CAMTA1: variants seen among roughly 807,000 people sequenced by gnomAD.
CAMTA1 encodes calmodulin-binding transcription activator 1.
A neutral mutation model predicts 170.9 loss-of-function variants in CAMTA1; 27 were observed. The observed-to-expected ratio is 0.16, with a 90% CI of 0.12 to 0.22. The LOEUF (loss-of-function observed/expected upper bound fraction) is 0.22, where lower values mean the gene tolerates loss of function less well. CAMTA1 is among the 10% of genes least tolerant of loss of function. The pLI is 1.00. For missense variants in CAMTA1, 1,619 were observed against 2,217.2 expected (o/e 0.73, Z 5.42); for synonymous variants, 833 against 891.5 (o/e 0.93, Z 1.17).
rs1673565294 is a variant in CAMTA1 at position 6,887,533 on chromosome 1, G to C, written c.234+62323G>C. 1 of 1,437,786 alleles carries C rather than the reference G, an allele frequency of 7.0e-7. No individual in the cohort carries two copies. The highest frequency in any genetic ancestry group is 2.5e-5 in the East Asian group (1 of 39,304). The allele number at this position is 1,437,786 out of a possible 1,614,324, so 89.1% of individuals were successfully genotyped here. ...ATGTGTGTGTTTAATATATACTTTAGTTTGCCTTTACCCAGATGTCTCCTC... is the reference window on the plus strand; with the variant it reads ...ATGTGTGTGTTTAATATATACTTTACTTTGCCTTTACCCAGATGTCTCCTC... On this transcript the variant is annotated intron_variant, in intron 3 of 22. Coordinates refer to ENST00000303635, the MANE Select transcript of CAMTA1 (RefSeq NM_015215.4). This position sits in a 1 kb window ranked among gnomAD's most constrained non-coding sequence, Gnocchi z 4.1.
At chr1:7,213,556 T>G (rs1659162869) in intron 4 of CAMTA1, among the ~76,000 whole-genome samples, 1 of 152,188 alleles carries the variant, frequency 6.6e-6, no homozygotes, top group Non-Finnish European at 1.5e-5. Context: ...AATTTGTATC[T>G]TCTTTTGCAT....
chr1:7,069,319 C>T (rs911289373), intron 3 of CAMTA1, among the ~76,000 whole-genome samples: 2 of 152,200 alleles, frequency 1.3e-5, no homozygotes, highest in Non-Finnish European at 2.9e-5. Context: ...GAGATGTTAA[C>T]TGACTTGCCC....
intron 3 of CAMTA1, among the ~76,000 whole-genome samples, chr1:7,012,739 GT>G (rs1699986868): frequency 1.3e-5 from 2 of 152,004 alleles, no homozygotes; most frequent in African/African-American, 4.8e-5. Flanking sequence ...CTCTTCCTCA[GT>G]TTCCCCCCAC....
chr1:7,089,780 T>G (rs1421410087), intron 3 of CAMTA1, among the ~76,000 whole-genome samples: 1 of 152,126 alleles, frequency 6.6e-6, no homozygotes, highest in Non-Finnish European at 1.5e-5. Context: ...AAGGTGCCAG[T>G]GCCACCCAGG....
intron 7 of CAMTA1, among the ~76,000 whole-genome samples, chr1:7,656,727 C>G (rs1313741659): frequency 6.6e-6 from 1 of 152,262 alleles, no homozygotes; most frequent in Non-Finnish European, 1.5e-5. Context: ...CCCCAGCCCT[C>G]TCTTCTAGAT....
chr1:7,711,724 C>G (rs1264680869), intron 11 of CAMTA1, among the ~76,000 whole-genome samples: 1 of 152,198 alleles, frequency 6.6e-6, no homozygotes, highest in East Asian at 1.9e-4. Context: ...TAAATATCCT[C>G]TTTTCTAGTG....
chr1:7,103,772 C>T (rs1373986411), intron 4 of CAMTA1, among the ~76,000 whole-genome samples: 2 of 151,522 alleles, frequency 1.3e-5, no homozygotes, highest in Non-Finnish European at 2.9e-5. Flanking sequence ...GCACACACAA[C>T]ACACATAACT....
chr1:7,620,310 G>A (rs1421856275), intron 6 of CAMTA1, among the ~76,000 whole-genome samples: 2 of 152,214 alleles, frequency 1.3e-5, no homozygotes, highest in Non-Finnish European at 2.9e-5. Flanking sequence ...GCACGGCACA[G>A]CCCCACAACA....
chr1:7,569,407 T>C (rs2095097123), intron 6 of CAMTA1, among the ~76,000 whole-genome samples: 1 of 148,950 alleles, frequency 6.7e-6, no homozygotes, highest in African/African-American at 2.5e-5. Flanking sequence ...CACATCACCA[T>C]CATCATCATC....
At chr1:7,087,482 G>A (rs569692336) in intron 3 of CAMTA1, among the ~76,000 whole-genome samples, 82 of 152,354 alleles carry the variant, frequency 5.4e-4, no homozygotes, top group Admixed American at 1.5e-3. Context: ...CCCTGGGTCA[G>A]TGGGGAGCAG....
At chr1:7,098,474 C>G (rs1032003122) in intron 4 of CAMTA1, among the ~76,000 whole-genome samples, 2 of 152,218 alleles carry the variant, frequency 1.3e-5, no homozygotes, top group African/African-American at 2.4e-5. Flanking sequence ...GAGCCTCCTG[C>G]CCGAGGACTT....
chr1:7,640,303 G>T, intron 6 of CAMTA1, 97 bp from the exon 7 acceptor site: 1 of 1,351,094 alleles, frequency 7.4e-7, no homozygotes, highest in Non-Finnish European at 1.0e-6. Flanking sequence ...GGTGTCTGGG[G>T]CCTCAGTCTC....
At chr1:7,122,543 C>G (rs1042656412) in intron 4 of CAMTA1, among the ~76,000 whole-genome samples, 1 of 152,148 alleles carries the variant, frequency 6.6e-6, no homozygotes, top group African/African-American at 2.4e-5. Context: ...AGCAGGCAGG[C>G]ACTTCGGGTG....
chr1:7,471,030 C>T (rs1026916145), intron 6 of CAMTA1, among the ~76,000 whole-genome samples: 2 of 152,158 alleles, frequency 1.3e-5, no homozygotes, highest in African/African-American at 2.4e-5. Flanking sequence ...CACCCCGGGG[C>T]GGGAATGAGC....
In CAMTA1 at chr1:6,965,658, A is replaced by G. The variant is rs1211131307; in HGVS notation, c.235-125646A>G. On this transcript the variant is annotated intron_variant, in intron 3 of 22. Transcript: ENST00000303635. The surrounding 1 kb of genome is among the most constrained non-coding windows in gnomAD (Gnocchi z 4.1). Reference sequence around the variant, plus strand: ...TGAGGAGAAAGTCCTGACAACAAGTAAAGAAAACTTAGCTGGCAATAAAAT... The same window carrying G: ...TGAGGAGAAAGTCCTGACAACAAGTGAAGAAAACTTAGCTGGCAATAAAAT... Among the ~76,000 whole-genome samples the G allele has an allele frequency of 6.6e-6, 1 of 152,220 alleles. No homozygotes were observed. Among genetic ancestry groups the G allele is most frequent in the Non-Finnish European group, 1.5e-5 (1 of 68,042 alleles).
intron 11 of CAMTA1, among the ~76,000 whole-genome samples, chr1:7,703,697 C>CTA (rs2096467520): frequency 6.6e-6 from 1 of 152,260 alleles, no homozygotes; most frequent in African/African-American, 2.4e-5. Flanking sequence ...ATATCTATAT[C>CTA]TATTAGTATA....
chr1:7,039,089 T>C (rs945587501), intron 3 of CAMTA1, among the ~76,000 whole-genome samples: 26 of 152,206 alleles, frequency 1.7e-4, no homozygotes, highest in Non-Finnish European at 1.8e-4. Flanking sequence ...TGTTTCTATA[T>C]GCCAAGGGTC....
chr1:6,963,772 C>A (rs1414627019), intron 3 of CAMTA1, among the ~76,000 whole-genome samples: 2 of 152,122 alleles, frequency 1.3e-5, no homozygotes, highest in Non-Finnish European at 2.9e-5. Flanking sequence ...CTGCGCTTTG[C>A]GGACTGGAGG....
rs545748234 is a variant in CAMTA1, at chr1:7,707,536, C to T, written c.2915-24912C>T. Among the ~76,000 whole-genome samples, 10 of 152,154 alleles carry T rather than the reference C, an allele frequency of 6.6e-5. No individual in the cohort carries two copies. In the South Asian group the frequency reaches 1.2e-3, roughly 19 times the overall value. On this transcript the variant is annotated intron_variant, in intron 11 of 22. Coordinates refer to ENST00000303635, the MANE Select transcript of CAMTA1 (RefSeq NM_015215.4). The stretch of plus-strand genomic sequence containing the variant: ...GACTACAGGTACACACCACCATGCC[C>T]GGCTAATTTGTTGTATTTTTTGTAG...
Sources: allele counts gnomAD v4.1 joint callset (sites outside exome capture counted in the v4.1 genomes callset), GRCh38; gene constraint gnomAD v4.1.1; non-coding constraint Gnocchi (gnomAD v3.1); transcripts MANE v1.5; gene names NCBI Gene and HGNC (gene_info 2026-07-23, HGNC 2026-07-21).